PLPPR1: variants seen among roughly 807,000 people sequenced by gnomAD.
The protein encoded by PLPPR1 is phospholipid phosphatase-related protein type 1.
A neutral mutation model predicts 33.1 loss-of-function variants in PLPPR1; 10 were observed. The observed-to-expected ratio is 0.30, with a 90% CI of 0.19 to 0.51. The LOEUF is 0.51. Among genes scored for constraint, PLPPR1 ranks in the 20% least tolerant of loss-of-function variants. The pLI is 0.97. For missense variants in PLPPR1, 304 were observed against 408.1 expected (o/e 0.74, Z 2.20); for synonymous variants, 151 against 151.0 (o/e 1.00, Z 0.00).
intron 1 of PLPPR1, among the ~76,000 whole-genome samples, chr9:101,135,827 G>A (rs1161404448): frequency 6.6e-6 from 1 of 152,090 alleles, no homozygotes; most frequent in African/African-American, 2.4e-5. Flanking sequence ...ACATTTTTCA[G>A]TTTTCCCTTC....
intron 2 of PLPPR1, among the ~76,000 whole-genome samples, chr9:101,245,753 G>A (rs1005732147): frequency 4.0e-5 from 6 of 151,766 alleles, no homozygotes; most frequent in Non-Finnish European, 8.8e-5. Context: ...GAAAGACTGA[G>A]TAACCTCTAC....
intron 1 of PLPPR1, among the ~76,000 whole-genome samples, chr9:101,084,557 T>C (rs939005320): frequency 3.3e-5 from 5 of 152,206 alleles, no homozygotes; most frequent in Admixed American, 1.3e-4. Flanking sequence ...TGGCTTTTGT[T>C]AGGAAAGAAA....
intron 1 of PLPPR1, among the ~76,000 whole-genome samples, chr9:101,062,414 C>T (rs926542327): frequency 2.6e-5 from 4 of 151,994 alleles, no homozygotes; most frequent in African/African-American, 9.7e-5. Flanking sequence ...AGGCTACATA[C>T]AGGCTAATAT....
At chr9:101,174,424 C>T (rs1825989516) in intron 1 of PLPPR1, among the ~76,000 whole-genome samples, 1 of 152,170 alleles carries the variant, frequency 6.6e-6, no homozygotes, top group African/African-American at 2.4e-5. Flanking sequence ...TTACAAATGA[C>T]CATGGTCTGT....
intron 2 of PLPPR1, among the ~76,000 whole-genome samples, chr9:101,255,837 AT>A (rs888935734): frequency 5.9e-5 from 9 of 152,122 alleles, no homozygotes; most frequent in African/African-American, 2.2e-4. Flanking sequence ...AAGCAAAACA[AT>A]TTTCCCCAAT....
chr9:101,080,688 T>C (rs1830606030), intron 1 of PLPPR1, among the ~76,000 whole-genome samples: 1 of 152,144 alleles, frequency 6.6e-6, no homozygotes, highest in Admixed American at 6.5e-5. Flanking sequence ...TCTGCCAACC[T>C]CCGGGAACTG....
chr9:101,098,406 T>A (rs1414204797), intron 1 of PLPPR1, among the ~76,000 whole-genome samples: 3 of 152,014 alleles, frequency 2.0e-5, no homozygotes, highest in Non-Finnish European at 2.9e-5. Flanking sequence ...TCTGCAACAT[T>A]CAGAAGGGGA....
At chr9:101,101,730 G>C (rs1355947416) in intron 1 of PLPPR1, among the ~76,000 whole-genome samples, 1 of 151,846 alleles carries the variant, frequency 6.6e-6, no homozygotes, top group Non-Finnish European at 1.5e-5. Flanking sequence ...GCTCCTTGAG[G>C]GCAAATCTTT....
At chr9:101,134,713 A>G (rs79902030) in intron 1 of PLPPR1, among the ~76,000 whole-genome samples, 2,263 of 152,262 alleles carry the variant, frequency 0.015, 59 homozygotes, top group African/African-American at 0.051. Context: ...GATGAACTTC[A>G]ATTGTTCAGT....
chr9:101,282,041 T>C (rs1202492724), intron 3 of PLPPR1, among the ~76,000 whole-genome samples: 1 of 152,070 alleles, frequency 6.6e-6, no homozygotes, highest in East Asian at 1.9e-4. Context: ...CCCAAAAAAA[T>C]TGAAAAGGAG....
chr9:101,109,134 A>ATTTT (rs67666339), intron 1 of PLPPR1, among the ~76,000 whole-genome samples: 1 of 99,772 alleles, frequency 1.0e-5, no homozygotes. Flanking sequence ...AATTTTTTGT[A>ATTTT]TTTTTTTTTT....
intron 1 of PLPPR1, among the ~76,000 whole-genome samples, chr9:101,175,777 G>A (rs1826010404): frequency 6.6e-6 from 1 of 152,050 alleles, no homozygotes; most frequent in African/African-American, 2.4e-5. Context: ...AGCAAGGCTG[G>A]GCTAAATGAG....
At chr9:101,261,623 A>G (rs1588100442) in intron 2 of PLPPR1, among the ~76,000 whole-genome samples, 1 of 152,190 alleles carries the variant, frequency 6.6e-6, no homozygotes, top group South Asian at 2.1e-4. Context: ...TAGACTGGAT[A>G]AATAAACTGT....
intron 2 of PLPPR1, among the ~76,000 whole-genome samples, chr9:101,213,368 T>A (rs1464645168): frequency 6.6e-6 from 1 of 152,218 alleles, no homozygotes; most frequent in Non-Finnish European, 1.5e-5. Flanking sequence ...TTAAAAATAC[T>A]TTTTAAAAGC....
intron 2 of PLPPR1, among the ~76,000 whole-genome samples, chr9:101,213,453 A>G (rs1826723848): frequency 1.3e-5 from 2 of 152,210 alleles, no homozygotes; most frequent in Non-Finnish European, 2.9e-5. Flanking sequence ...TTAAAATAGT[A>G]AAAGTGCAGA....
intron 1 of PLPPR1, among the ~76,000 whole-genome samples, chr9:101,066,198 A>G (rs1220292329): frequency 1.3e-5 from 2 of 151,998 alleles, no homozygotes; most frequent in Non-Finnish European, 2.9e-5. Flanking sequence ...GGTTTGTCTG[A>G]TATTTTCTCA....
chr9:101,270,482 C>T (rs937024627), intron 3 of PLPPR1, among the ~76,000 whole-genome samples: 2 of 152,098 alleles, frequency 1.3e-5, no homozygotes, highest in Admixed American at 6.5e-5. Flanking sequence ...TCCCTCAGGC[C>T]GATATTTCCT....
At chr9:101,218,874 A>C (rs2118783911) in intron 2 of PLPPR1, among the ~76,000 whole-genome samples, 1 of 152,346 alleles carries the variant, frequency 6.6e-6, no homozygotes, top group East Asian at 1.9e-4. Context: ...AATGCTTTCA[A>C]ATAAGTTGCT....
At chr9:101,280,087 T>C (rs1024548344) in intron 3 of PLPPR1, among the ~76,000 whole-genome samples, 1 of 151,726 alleles carries the variant, frequency 6.6e-6, no homozygotes, top group Non-Finnish European at 1.5e-5. Context: ...ACAAATAAAA[T>C]CAGAGATGAA....
Sources: allele counts gnomAD v4.1 joint callset (sites outside exome capture counted in the v4.1 genomes callset), GRCh38; gene constraint gnomAD v4.1.1; transcripts MANE v1.5; gene names NCBI Gene and HGNC (gene_info 2026-07-23, HGNC 2026-07-21).